TENM3: variants seen among roughly 807,000 people sequenced by gnomAD.
TENM3 encodes teneurin transmembrane protein 3.
Under a neutral mutation model 255.1 loss-of-function variants are expected in TENM3, and 63 were observed. The ratio of observed to expected loss-of-function variants is 0.25; its 90% CI spans 0.20 to 0.30. The LOEUF (loss-of-function observed/expected upper bound fraction) is 0.30. Ranked by LOEUF, TENM3 falls within the 10% of genes least tolerant of loss-of-function variation. TENM3 has a pLI of 1.00. For missense variants in TENM3, 2,929 were observed against 3,461.1 expected (o/e 0.85, Z 3.86); for synonymous variants, 1,306 against 1,322.3 (o/e 0.99, Z 0.27).
At chr4:181,795,157 TG>T in the TENM3 span, among the ~76,000 whole-genome samples, 1 of 152,198 alleles carries the variant, frequency 6.6e-6, no homozygotes, top group Admixed American at 6.5e-5. Context: ...GGATGTCTTT[TG>T]TCTTGGTCAG....
At chr4:182,020,062 T>G in the TENM3 span, among the ~76,000 whole-genome samples, 6 of 152,188 alleles carry the variant, frequency 3.9e-5, no homozygotes, top group Middle Eastern at 3.4e-3. Flanking sequence ...CGTATTTGGC[T>G]GTGTTTTAAG....
chr4:182,163,144 C>T (rs1751469935), intron 1 of TENM3, among the ~76,000 whole-genome samples: 1 of 152,162 alleles, frequency 6.6e-6, no homozygotes, highest in East Asian at 1.9e-4. Flanking sequence ...GTCCTTGCCC[C>T]TCCTTTCCAT....
At chr4:182,046,326 G>T in the TENM3 span, among the ~76,000 whole-genome samples, 2 of 151,924 alleles carry the variant, frequency 1.3e-5, no homozygotes, top group Admixed American at 1.3e-4. Context: ...CTGTACAGTA[G>T]AAATAATATA....
intron 12 of TENM3, among the ~76,000 whole-genome samples, chr4:182,700,192 T>C (rs1057238732): frequency 2.0e-5 from 3 of 152,196 alleles, no homozygotes; most frequent in African/African-American, 4.8e-5. Context: ...CCTTATATGC[T>C]GAGATCCTTA....
Position 182,151,132 on chromosome 4 carries a change from G to C in TENM3, c.-76+6378G>C, listed in dbSNP as rs191409981. Among the ~76,000 whole-genome samples, 7 of 152,170 alleles carry C rather than the reference G, an allele frequency of 4.6e-5. No individual in the cohort carries two copies. In the East Asian group the frequency reaches 1.4e-3, roughly 29 times the overall value. ...CGTCTCCAGCATCCTCTTGTGTCCA[G>C]CATGTGGCTTCTATACTGGGATGGT... is the stretch of plus-strand genomic sequence containing the variant. On this transcript the variant is annotated intron_variant, in intron 1 of 2. Transcript: ENST00000512480.
the TENM3 span, among the ~76,000 whole-genome samples, chr4:182,103,928 A>C: frequency 1.3e-5 from 2 of 152,300 alleles, no homozygotes; most frequent in East Asian, 3.9e-4. Context: ...GTATTTGCAG[A>C]TATTGCACTC....
the TENM3 span, among the ~76,000 whole-genome samples, chr4:181,747,449 T>C: frequency 6.6e-6 from 1 of 152,064 alleles, no homozygotes; most frequent in Non-Finnish European, 1.5e-5. Flanking sequence ...TCCCTAGTGG[T>C]AACATCTGCA....
At chr4:182,473,897 G>T (rs973431075) in intron 3 of TENM3, among the ~76,000 whole-genome samples, 8 of 152,088 alleles carry the variant, frequency 5.3e-5, no homozygotes, top group Non-Finnish European at 1.0e-4. Flanking sequence ...GTTCAAGGTT[G>T]CAGTGAGCTA....
At chr4:181,995,746 T>C in the TENM3 span, among the ~76,000 whole-genome samples, 1 of 152,186 alleles carries the variant, frequency 6.6e-6, no homozygotes, top group Non-Finnish European at 1.5e-5. Context: ...TATAATCCTA[T>C]GAGACAGATA....
the TENM3 span, among the ~76,000 whole-genome samples, chr4:181,456,315 G>A: frequency 2.0e-5 from 3 of 151,596 alleles, no homozygotes; most frequent in East Asian, 1.9e-4. Flanking sequence ...TTTATCCTTC[G>A]ATTGTCTAGA....
At chr4:181,730,660 GGATT>G in the TENM3 span, among the ~76,000 whole-genome samples, 1 of 152,016 alleles carries the variant, frequency 6.6e-6, no homozygotes, top group African/African-American at 2.4e-5. Context: ...TAATTTCTCA[GGATT>G]GATAGAAAAT....
chr4:181,584,476 A>G, the TENM3 span, among the ~76,000 whole-genome samples: 2 of 152,214 alleles, frequency 1.3e-5, no homozygotes, highest in African/African-American at 4.8e-5. Flanking sequence ...GCTATATCAT[A>G]ACTTTTTAAT....
the TENM3 span, among the ~76,000 whole-genome samples, chr4:181,641,550 GTGTGTATATA>G: frequency 8.8e-4 from 43 of 49,042 alleles, 3 homozygotes; most frequent in African/African-American, 4.7e-3. Context: ...TCCATGGTGT[GTGTGTATATA>G]TATATATATA....
At chr4:182,732,322 A>G (rs772361077) in intron 16 of TENM3, among the ~76,000 whole-genome samples, 5 of 152,208 alleles carry the variant, frequency 3.3e-5, no homozygotes, top group East Asian at 1.9e-4. Flanking sequence ...ATTAGCCTCA[A>G]TAACTTACTG....
the TENM3 span, among the ~76,000 whole-genome samples, chr4:181,808,214 T>C: frequency 6.6e-6 from 1 of 152,204 alleles, no homozygotes; most frequent in Non-Finnish European, 1.5e-5. Flanking sequence ...CCACCTACAT[T>C]GCAGCGAGGT....
At chr4:181,980,646 A>C in the TENM3 span, among the ~76,000 whole-genome samples, 2 of 152,190 alleles carry the variant, frequency 1.3e-5, no homozygotes, top group Admixed American at 1.3e-4. Context: ...TAAGTTTTGT[A>C]ATCTTAAAAC....
the TENM3 span, among the ~76,000 whole-genome samples, chr4:181,780,515 A>C: frequency 2.6e-5 from 4 of 151,908 alleles, no homozygotes; most frequent in Non-Finnish European, 2.9e-5. Context: ...TGTTTGAGTT[A>C]TTTGTAGATT....
the TENM3 span, among the ~76,000 whole-genome samples, chr4:181,728,839 G>T: frequency 1.3e-5 from 2 of 152,080 alleles, no homozygotes. Context: ...AGTCGCTCTG[G>T]TTCAAACACC....
At chr4:182,534,490 T>C (rs1740091937) in intron 3 of TENM3, among the ~76,000 whole-genome samples, 2 of 152,238 alleles carry the variant, frequency 1.3e-5, no homozygotes, top group South Asian at 2.1e-4. Context: ...TTAAATTTGC[T>C]GAGTTTTTTG....
Sources: gnomAD v4.1 joint callset for allele counts (sites outside exome capture counted in the v4.1 genomes callset) on GRCh38, gnomAD v4.1.1 for gene constraint, MANE v1.5 for transcripts, NCBI Gene and HGNC (gene_info 2026-07-23, HGNC 2026-07-21) for gene names.